The following LCMT1 variants were observed in gnomAD, a reference collection of about 807,000 sequenced individuals.
LCMT1 encodes the protein leucine carboxyl methyltransferase 1.
In LCMT1, 32 loss-of-function variants were observed where a neutral mutation model predicts 47.7. The ratio of observed to expected loss-of-function variants is 0.67; its 90% CI spans 0.51 to 0.90. LCMT1 has a LOEUF of 0.90. LCMT1 is among the 40% of genes least tolerant of loss of function. The pLI, the probability that LCMT1 is intolerant of heterozygous loss-of-function variation, is 0.00. For synonymous variants in LCMT1, 152 were observed against 149.7 expected (o/e 1.02, Z -0.11); for missense variants, 375 against 415.2 (o/e 0.90, Z 0.84).
chr16:25,115,844 A>T (rs1959767784), intron 1 of LCMT1, among the ~76,000 whole-genome samples: 2 of 152,002 alleles, frequency 1.3e-5, no homozygotes, highest in Admixed American at 1.3e-4. Flanking sequence ...CACCCGGCTA[A>T]TTTTTGTATT....
intron 5 of LCMT1, 116 bp from the exon 6 acceptor site, chr16:25,160,986 A>ATT (rs11408755): frequency 0.041 from 20,571 of 498,882 alleles, 87 homozygotes; most frequent in East Asian, 0.15. Context: ...CCTCTTACGT[A>ATT]TTTTTTTTTT....
At chr16:25,117,305 G>T (rs905325875) in intron 1 of LCMT1, among the ~76,000 whole-genome samples, 1 of 152,076 alleles carries the variant, frequency 6.6e-6, no homozygotes, top group African/African-American at 2.4e-5. Flanking sequence ...ATCTTATTCT[G>T]TCACTCACCT....
intron 7 of LCMT1, 81 bp downstream of exon 7, chr16:25,164,799 T>TC (rs1961538760): frequency 6.4e-7 from 1 of 1,559,118 alleles, no homozygotes; most frequent in Non-Finnish European, 8.8e-7. Flanking sequence ...TAGGATAACT[T>TC]CCCTTATCCT....
intron 8 of LCMT1, 61 bp downstream of exon 8, chr16:25,169,274 T>A: frequency 8.9e-7 from 1 of 1,129,224 alleles, no homozygotes; most frequent in Non-Finnish European, 1.4e-6. Context: ...TATATAAAGG[T>A]CTTTCTTTGC....
At chr16:25,157,233 A>G (rs925481568) in intron 5 of LCMT1, among the ~76,000 whole-genome samples, 4 of 151,912 alleles carry the variant, frequency 2.6e-5, no homozygotes, top group Admixed American at 1.3e-4. Flanking sequence ...TTTTCACCTC[A>G]TGACCTAATC....
rs1961308550 is a variant in LCMT1 at position 25,157,898 on chromosome 16, C to CA, written c.467-3198dup. On this transcript the variant is annotated intron_variant, in intron 5 of 10. Coordinates refer to ENST00000399069, the MANE Select transcript of LCMT1 (RefSeq NM_016309.3). ...TAATGTTTTCATAGTACCCCTGAGC[C>CA]AAAAAACACACTCAGCAGTTCTTTT... 5.3e-5 allele frequency among the ~76,000 whole-genome samples: 8 copies of CA among 152,004 alleles called. No homozygotes were observed. In the South Asian group the frequency reaches 1.7e-3, roughly 32 times the overall value.
Position 25,132,299 on chromosome 16 carries a change from GCGCATGCTCT to G in LCMT1, c.206-101_206-92del, listed in dbSNP as rs1051841469. 48 of 1,375,904 alleles carry G rather than the reference GCGCATGCTCT, an allele frequency of 3.5e-5. No homozygotes were observed. In the African/African-American group the frequency reaches 4.9e-4, roughly 14 times the overall value. The allele number at this position is 1,375,904 out of a possible 1,614,324, so 85.2% of individuals were successfully genotyped here. A position where few individuals can be genotyped will look rare whatever the true frequency, so the allele number is the denominator to read the frequency against. ...GATTAACCTCTGACACTGCAGAAGG[GCGCATGCTCT>G]CTGTTTTGCTCTTCTCCTGGGGTGG... On this transcript the variant is annotated intron_variant, in intron 2 of 10. Coordinates refer to ENST00000399069, the MANE Select transcript of LCMT1 (RefSeq NM_016309.3).
At chr16:25,128,637 G>A in intron 2 of LCMT1, 71 bp downstream of exon 2, 1 of 1,192,500 alleles carries the variant, frequency 8.4e-7, no homozygotes, top group East Asian at 2.5e-5. Flanking sequence ...ATTCTTGAAG[G>A]AAGTCGTGGT....
intron 4 of LCMT1, among the ~76,000 whole-genome samples, chr16:25,150,289 CTG>C (rs200536250): frequency 0.027 from 3,956 of 146,150 alleles, 77 homozygotes; most frequent in Non-Finnish European, 0.038. Context: ...GAGATTCAAA[CTG>C]TGACTTCAAG....
Position 25,174,927 on chromosome 16 carries a change from CT to C in LCMT1, c.885-7del. On this transcript the variant is annotated splice_polypyrimidine_tract_variant and intron_variant, in intron 9 of 10. Coordinates refer to ENST00000399069, the MANE Select transcript of LCMT1 (RefSeq NM_016309.3). ...ACACTTGCATCGTTCTATTTTAATT[CT>C]TTCCACAGGATAGAATCACTTGAAT... 1 of 1,508,456 alleles carries C rather than the reference CT, an allele frequency of 6.6e-7. No homozygotes were observed. The highest frequency in any genetic ancestry group is 9.1e-7 in the Non-Finnish European group (1 of 1,095,884). The allele number at this position is 1,508,456 out of a possible 1,614,324, so 93.4% of individuals were successfully genotyped here.
chr16:25,131,397 T>A (rs771177536), intron 2 of LCMT1, among the ~76,000 whole-genome samples: 4 of 152,210 alleles, frequency 2.6e-5, no homozygotes, highest in Admixed American at 6.5e-5. Context: ...CCAAATGGTG[T>A]ATGGTGAGGA....
chr16:25,170,071 T>C (rs192757235), intron 8 of LCMT1, among the ~76,000 whole-genome samples: 47 of 152,018 alleles, frequency 3.1e-4, no homozygotes, highest in African/African-American at 1.1e-3. Flanking sequence ...AATACAAAAA[T>C]TAGCCGGGTG....
intron 9 of LCMT1, among the ~76,000 whole-genome samples, chr16:25,171,369 T>C (rs1185858404): frequency 6.6e-6 from 1 of 151,964 alleles, no homozygotes; most frequent in East Asian, 1.9e-4. Flanking sequence ...AGCTGAGATG[T>C]GCAATTGTAT....
chr16:25,158,436 G>A (rs1233190968), intron 5 of LCMT1, among the ~76,000 whole-genome samples: 1 of 152,208 alleles, frequency 6.6e-6, no homozygotes, highest in Non-Finnish European at 1.5e-5. Flanking sequence ...CGCCCGGCCG[G>A]TCTGTTTCTT....
intron 1 of LCMT1, among the ~76,000 whole-genome samples, chr16:25,127,427 G>A (rs1960223087): frequency 1.3e-5 from 2 of 152,190 alleles, no homozygotes; most frequent in Non-Finnish European, 2.9e-5. Flanking sequence ...TTGCTGCATG[G>A]AGCAGCTGAA....
At chr16:25,153,205 A>G (rs1046759929) in intron 5 of LCMT1, among the ~76,000 whole-genome samples, 5 of 152,222 alleles carry the variant, frequency 3.3e-5, no homozygotes, top group Admixed American at 1.3e-4. Context: ...ATTTTCAGGT[A>G]CTTAACAGCC....
chr16:25,175,090 C>T, intron 10 of LCMT1, 56 bp downstream of exon 10: 2 of 894,768 alleles, frequency 2.2e-6, no homozygotes, highest in Non-Finnish European at 3.6e-6. Flanking sequence ...TTTCTTTTTC[C>T]TATTCTTTCC....
Position 25,137,773 on chromosome 16 carries a change from A to C in LCMT1, c.328-2398A>C, listed in dbSNP as rs561279942. ...TTTTTGTTTTAAAAAGATAAATCCC[A>C]GCCTGGGTCCCCTGGGATTCCAGCA... On this transcript the variant is annotated intron_variant, in intron 3 of 10. Transcript: ENST00000399069. 5.3e-5 allele frequency among the ~76,000 whole-genome samples: 8 copies of C among 152,210 alleles called. No homozygotes were observed. In the East Asian group the frequency reaches 1.5e-3, roughly 29 times the overall value.
intron 10 of LCMT1, 50 bp from the exon 11 acceptor site, chr16:25,177,951 C>T: frequency 1.9e-6 from 3 of 1,588,540 alleles, no homozygotes; most frequent in Non-Finnish European, 2.6e-6. Context: ...GGGGCCTCTG[C>T]TCCTGGCCAC....
Sources: gnomAD v4.1 joint callset for allele counts (sites outside exome capture counted in the v4.1 genomes callset) on GRCh38, gnomAD v4.1.1 for gene constraint, MANE v1.5 for transcripts, NCBI Gene and HGNC (gene_info 2026-07-23, HGNC 2026-07-21) for gene names.